The following UBXN2B variants were observed in gnomAD, a reference collection of about 807,000 sequenced individuals.
The protein encoded by UBXN2B is UBX domain-containing protein 2B.
UBXN2B carries 19 observed loss-of-function variants against 37.5 expected under a neutral mutation model. The observed-to-expected ratio is 0.51, with a 90% CI of 0.35 to 0.74. The LOEUF (loss-of-function observed/expected upper bound fraction) is 0.74. Ranked by LOEUF, UBXN2B falls within the 30% of genes least tolerant of loss-of-function variation. The probability of loss-of-function intolerance (pLI) is 0.01; values close to 1 mark genes in which losing one functional copy is unlikely to be tolerated. For missense variants in UBXN2B, 370 were observed against 393.2 expected (o/e 0.94, Z 0.50); for synonymous variants, 145 against 143.8 (o/e 1.01, Z -0.06).
At chr8:58,445,189 A>G (rs1235768457) in intron 6 of UBXN2B, among the ~76,000 whole-genome samples, 1 of 152,190 alleles carries the variant, frequency 6.6e-6, no homozygotes, top group Non-Finnish European at 1.5e-5. Flanking sequence ...TCATCCTGCT[A>G]GTGTTAGAAG....
intron 2 of UBXN2B, chr8:58,425,393 A>G: frequency 8.8e-7 from 1 of 1,132,980 alleles, no homozygotes; most frequent in Non-Finnish European, 1.3e-6. Context: ...GTGGCAATGT[A>G]ACTCTTCTTG....
intron 2 of UBXN2B, chr8:58,425,333 G>A: frequency 8.6e-7 from 1 of 1,156,520 alleles, no homozygotes; most frequent in South Asian, 1.2e-5. Flanking sequence ...GAGTTTTCTT[G>A]GAATACCATC....
chr8:58,415,541 G>T (rs1807754579), intron 1 of UBXN2B, among the ~76,000 whole-genome samples: 1 of 151,860 alleles, frequency 6.6e-6, no homozygotes, highest in African/African-American at 2.4e-5. Context: ...AAAATCTTGG[G>T]GAAAATGAAA....
At chr8:58,441,812 A>T (rs1041251328) in intron 6 of UBXN2B, among the ~76,000 whole-genome samples, 1 of 152,206 alleles carries the variant, frequency 6.6e-6, no homozygotes, top group African/African-American at 2.4e-5. Context: ...TGCCATGTTA[A>T]TTTACTAGCC....
intron 6 of UBXN2B, among the ~76,000 whole-genome samples, chr8:58,440,962 G>T (rs543089988): frequency 6.7e-6 from 1 of 149,884 alleles, no homozygotes; most frequent in African/African-American, 2.5e-5. Context: ...TTTCTCCCTC[G>T]TCTCTCTTTA....
intron 2 of UBXN2B, chr8:58,424,757 CT>C (rs1808033531): frequency 7.0e-7 from 1 of 1,425,982 alleles, no homozygotes; most frequent in African/African-American, 1.4e-5. Context: ...TATTCATGAC[CT>C]TTCCTCTTGC....
intron 2 of UBXN2B, among the ~76,000 whole-genome samples, chr8:58,417,789 A>G (rs1807822743): frequency 6.6e-6 from 1 of 152,200 alleles, no homozygotes; most frequent in South Asian, 2.1e-4. Context: ...GTACAATGTT[A>G]CATTGAACTT....
intron 6 of UBXN2B, among the ~76,000 whole-genome samples, chr8:58,442,114 T>C (rs868302813): frequency 1.3e-4 from 20 of 152,314 alleles, no homozygotes; most frequent in Admixed American, 1.3e-4. Flanking sequence ...AGTTTCCACT[T>C]TGCAGTGCTT....
chr8:58,447,364 A>G, intron 7 of UBXN2B, 25 bp from the exon 8 acceptor site: 1 of 1,521,166 alleles, frequency 6.6e-7, no homozygotes, highest in Non-Finnish European at 8.8e-7. Context: ...TTATATTACA[A>G]ATTATTTTTG....
chr8:58,431,009 T>C (rs1294237673), intron 3 of UBXN2B, among the ~76,000 whole-genome samples: 1 of 152,250 alleles, frequency 6.6e-6, no homozygotes, highest in Admixed American at 6.5e-5. Context: ...TAGTATAATA[T>C]GAAAGCCAGG....
At position 58,447,486 on chromosome 8, in the gene UBXN2B, G is replaced by C. The variant is rs755047392; in HGVS notation, c.931G>C (p.Asp311His). 1 of 1,613,454 alleles carries C rather than the reference G, an allele frequency of 6.2e-7. No individual in the cohort carries two copies. The highest frequency in any genetic ancestry group is 1.3e-5 in the African/African-American group (1 of 75,040). The change falls in exon 8 of 8, where the codon GAT (aspartate) becomes CAT (histidine). Residue 311 changes from aspartate to histidine, a missense_variant. By Grantham distance (81) the Asp-to-His change is moderately conservative. This residue lies in a region of UBXN2B where 83 missense variants were observed against 83.5 expected (regional missense o/e 0.99). Coordinates refer to ENST00000399598, the MANE Select transcript of UBXN2B (RefSeq NM_001077619.2). ...TTCATTTCCGAATAAAGAGCTAACA[G>C]ATGAAAGCCTGACACTGCTAGAAGC... ...VTSFPNKELT[D>H]ESLTLLEADI... is the part of the protein sequence containing the mutation.
chr8:58,446,236 T>G (rs1808664600), intron 7 of UBXN2B, among the ~76,000 whole-genome samples, 168 bp downstream of exon 7: 1 of 149,232 alleles, frequency 6.7e-6, no homozygotes, highest in East Asian at 2.0e-4. Flanking sequence ...ATAGCTGTGT[T>G]TAAGAAATGA....
chr8:58,429,376 C>CTT (rs1347184022), intron 2 of UBXN2B, among the ~76,000 whole-genome samples: 2 of 152,168 alleles, frequency 1.3e-5, no homozygotes, highest in East Asian at 3.9e-4. Context: ...TTCAACCTTG[C>CTT]TTGCTACTCT....
intron 3 of UBXN2B, among the ~76,000 whole-genome samples, chr8:58,432,152 G>C (rs1808295348): frequency 6.6e-6 from 1 of 151,954 alleles, no homozygotes; most frequent in Non-Finnish European, 1.5e-5. Flanking sequence ...TATTGTCTAA[G>C]AACTTTTTAC....
chr8:58,434,645 T>G, intron 5 of UBXN2B, 141 bp downstream of exon 5: 1 of 952,786 alleles, frequency 1.0e-6, no homozygotes, highest in Non-Finnish European at 1.5e-6. Flanking sequence ...GGGGTGTAGG[T>G]ATTCTTAAGT....
At chr8:58,431,187 T>G (rs942556240) in intron 3 of UBXN2B, among the ~76,000 whole-genome samples, 1 of 152,112 alleles carries the variant, frequency 6.6e-6, no homozygotes, top group African/African-American at 2.4e-5. Flanking sequence ...TTTATCATGT[T>G]AAGAGTGTTA....
intron 3 of UBXN2B, among the ~76,000 whole-genome samples, chr8:58,432,109 C>CT (rs1026763921): frequency 2.7e-4 from 41 of 151,998 alleles, no homozygotes; most frequent in African/African-American, 9.6e-4. Context: ...CAATTTATTC[C>CT]TTTTTTTTCT....
chr8:58,416,745 GTCT>G, intron 1 of UBXN2B, 102 bp from the exon 2 acceptor site: 1 of 898,366 alleles, frequency 1.1e-6, no homozygotes, highest in Non-Finnish European at 1.6e-6. Context: ...TTCATGAAAA[GTCT>G]TTACCACTCA....
intron 2 of UBXN2B, chr8:58,425,932 T>A (rs1324493325): frequency 5.2e-6 from 7 of 1,341,876 alleles, no homozygotes; most frequent in Non-Finnish European, 7.5e-6. Flanking sequence ...GAACAAAATC[T>A]CCAAGGTGGC....
Sources: allele counts gnomAD v4.1 joint callset (sites outside exome capture counted in the v4.1 genomes callset), GRCh38; gene constraint gnomAD v4.1.1; regional missense constraint gnomAD v4.1.1; transcripts MANE v1.5; gene names NCBI Gene and HGNC (gene_info 2026-07-23, HGNC 2026-07-21).